PDE8A: variants seen among roughly 807,000 people sequenced by gnomAD.
The protein encoded by PDE8A is high affinity cAMP-specific and IBMX-insensitive 3',5'-cyclic phosphodiesterase 8A.
PDE8A carries 59 observed loss-of-function variants against 105.0 expected under a neutral mutation model. The ratio of observed to expected loss-of-function variants is 0.56; its 90% confidence interval spans 0.46 to 0.70. The LOEUF is 0.70. Ranked by LOEUF, PDE8A falls within the 30% of genes least tolerant of loss-of-function variation. The pLI is 0.00. For missense variants in PDE8A, 1,014 were observed against 1,045.9 expected, an observed-to-expected ratio of 0.97 and a Z score of 0.42; for synonymous variants, 355 against 371.9, an observed-to-expected ratio of 0.95 and a Z score of 0.52.
chr15:84,983,983 T>C (rs986106634), intron 1 of PDE8A, among the ~76,000 whole-genome samples: 4 of 152,226 alleles, frequency 2.6e-5, no homozygotes, highest in Non-Finnish European at 5.9e-5. Context: ...GGCAGACCAT[T>C]GTCTTGTGTT....
intron 20 of PDE8A, among the ~76,000 whole-genome samples, chr15:85,135,387 C>T (rs1301302323): frequency 6.6e-6 from 1 of 152,190 alleles, no homozygotes; most frequent in Non-Finnish European, 1.5e-5. Context: ...AGGGCTGGCT[C>T]TACCCCCTCC....
chr15:85,046,888 A>G (rs1478862950), intron 1 of PDE8A, among the ~76,000 whole-genome samples: 2 of 152,264 alleles, frequency 1.3e-5, no homozygotes, highest in African/African-American at 2.4e-5. Context: ...TTTGTTTCAT[A>G]TATCTGTAAA....
chr15:85,027,559 C>T (rs1028533787), intron 1 of PDE8A, among the ~76,000 whole-genome samples: 31 of 152,176 alleles, frequency 2.0e-4, no homozygotes, highest in Admixed American at 3.3e-4. Context: ...TTTAGTTATT[C>T]CTACCCTTTC....
intron 18 of PDE8A, among the ~76,000 whole-genome samples, chr15:85,122,829 A>C (rs540259687): frequency 6.6e-6 from 1 of 152,314 alleles, no homozygotes; most frequent in Non-Finnish European, 1.5e-5. Flanking sequence ...CACTGCAACT[A>C]TAAGTTTTGC....
intron 11 of PDE8A, among the ~76,000 whole-genome samples, chr15:85,104,317 A>AGT (rs994890913): frequency 6.6e-6 from 1 of 152,170 alleles, no homozygotes; most frequent in African/African-American, 2.4e-5. Flanking sequence ...TCTGAAGAGA[A>AGT]GTAGGGGTCA....
chr15:84,981,798 ACTCAGCCGCT>A (rs1157582341), upstream of PDE8A, among the ~76,000 whole-genome samples: 4 of 150,660 alleles, frequency 2.7e-5, no homozygotes, highest in African/African-American at 9.7e-5. Flanking sequence ...CGCGGCGTGG[ACTCAGCCGCT>A]CCTGGGTAAG....
intron 1 of PDE8A, among the ~76,000 whole-genome samples, chr15:85,061,494 C>G (rs2081145086): frequency 1.3e-5 from 2 of 152,148 alleles, no homozygotes; most frequent in African/African-American, 4.8e-5. Context: ...TCTGTCTCAG[C>G]CTCCCAAAGT....
chr15:85,049,651 G>T (rs929321076), intron 1 of PDE8A, among the ~76,000 whole-genome samples: 4 of 152,160 alleles, frequency 2.6e-5, no homozygotes, highest in African/African-American at 9.7e-5. Context: ...AGGCCCGAGT[G>T]ATTCTCCTGC....
At chr15:85,127,266 CAAGGT>C (rs908527812) in intron 20 of PDE8A, among the ~76,000 whole-genome samples, 1 of 152,144 alleles carries the variant, frequency 6.6e-6, no homozygotes, top group African/African-American at 2.4e-5. Flanking sequence ...AGATTGGAAA[CAAGGT>C]AAGGGTGCCC....
Position 84,982,039 on chromosome 15 carries a change from C to G in PDE8A, c.-124C>G. 4.4e-6 allele frequency: 2 copies of G among 455,180 alleles called. No individual in the cohort carries two copies. Among genetic ancestry groups the G allele is most frequent in the Non-Finnish European group, 6.7e-6 (2 of 298,362 alleles). The allele number at this position is 455,180 out of a possible 1,614,324, so 28.2% of individuals were successfully genotyped here. On this transcript the variant is annotated 5_prime_UTR_variant, in exon 1 of 22. Transcript: ENST00000394553. ...GCCGCGTTTCCTGACGCGAGATCCG[C>G]GCTCGCCGCCGCCCGCCCAGGCGGC...
At chr15:85,072,442 G>C (rs562373681) in intron 3 of PDE8A, among the ~76,000 whole-genome samples, 3 of 152,136 alleles carry the variant, frequency 2.0e-5, no homozygotes, top group Non-Finnish European at 4.4e-5. Context: ...CTGGGCATAT[G>C]GCTACCTAGA....
intron 1 of PDE8A, among the ~76,000 whole-genome samples, chr15:85,007,862 A>G (rs1279611029): frequency 6.6e-6 from 1 of 152,166 alleles, no homozygotes; most frequent in Non-Finnish European, 1.5e-5. Flanking sequence ...GAGCTCTTGG[A>G]CATTCTGCCA....
chr15:85,079,721 T>C (rs1353557958), intron 5 of PDE8A, among the ~76,000 whole-genome samples: 1 of 152,222 alleles, frequency 6.6e-6, no homozygotes, highest in African/African-American at 2.4e-5. Flanking sequence ...CAGACCAGCC[T>C]GGCCAGCATG....
intron 3 of PDE8A, among the ~76,000 whole-genome samples, chr15:85,074,298 C>G (rs979339316): frequency 4.6e-5 from 7 of 152,210 alleles, no homozygotes; most frequent in African/African-American, 1.4e-4. Context: ...GTGTGACTGC[C>G]TTTGTGCTAC....
At chr15:85,075,971 T>C in intron 4 of PDE8A, 53 bp downstream of exon 4, 3 of 954,640 alleles carry the variant, frequency 3.1e-6, no homozygotes, top group Non-Finnish European at 5.0e-6. Flanking sequence ...TAATACTTGC[T>C]CTTAACAGAT....
intron 1 of PDE8A, among the ~76,000 whole-genome samples, chr15:85,027,368 TAA>T (rs1414441018): frequency 6.6e-6 from 1 of 152,150 alleles, no homozygotes; most frequent in Non-Finnish European, 1.5e-5. Flanking sequence ...TTCATAATAA[TAA>T]AGAGACAGCT....
chr15:85,087,000 T>G (rs1304209941), intron 6 of PDE8A, among the ~76,000 whole-genome samples: 1 of 151,692 alleles, frequency 6.6e-6, no homozygotes, highest in Non-Finnish European at 1.5e-5. Context: ...TGACTAGTGC[T>G]AGGATTACAG....
At chr15:85,103,812 A>G (rs1294497200) in intron 11 of PDE8A, among the ~76,000 whole-genome samples, 1 of 152,136 alleles carries the variant, frequency 6.6e-6, no homozygotes, top group African/African-American at 2.4e-5. Flanking sequence ...TGTTCTCACC[A>G]CGGGTAGCAT....
chr15:85,114,675 C>A (rs1232515098), intron 14 of PDE8A, among the ~76,000 whole-genome samples: 1 of 152,134 alleles, frequency 6.6e-6, no homozygotes, highest in East Asian at 1.9e-4. Context: ...ACCTCCCTCC[C>A]AATTACTGCT....
Sources: allele counts gnomAD v4.1 joint callset (sites outside exome capture counted in the v4.1 genomes callset), GRCh38; gene constraint gnomAD v4.1.1; transcripts MANE v1.5; gene names NCBI Gene and HGNC (gene_info 2026-07-23, HGNC 2026-07-21).